The following R3HDM1 variants were observed in gnomAD, a reference collection of about 807,000 sequenced individuals.
R3HDM1 encodes the protein R3H domain-containing protein 1.
A neutral mutation model predicts 141.1 loss-of-function variants in R3HDM1; 46 were observed. That is an observed-to-expected ratio of 0.33 (90% CI 0.26 to 0.42). R3HDM1 has a LOEUF of 0.42. Ranked by LOEUF, R3HDM1 falls within the 10% of genes least tolerant of loss-of-function variation. R3HDM1 has a pLI of 1.00. For missense variants in R3HDM1, 1,184 were observed against 1,368.3 expected, an observed-to-expected ratio of 0.87 and a Z score of 2.12; for synonymous variants, 435 against 472.9, an observed-to-expected ratio of 0.92 and a Z score of 1.04.
chr2:135,685,994 A>ATTTTT (rs1282484527), intron 21 of R3HDM1, among the ~76,000 whole-genome samples: 1 of 152,200 alleles, frequency 6.6e-6, no homozygotes, highest in Non-Finnish European at 1.5e-5. Context: ...AATTCAGAAA[A>ATTTTT]AAAAAGGGTT....
rs1481742241 is a variant in R3HDM1 at position 135,713,836 on chromosome 2, CA to C, written c.2737-1713del. Among the ~76,000 whole-genome samples the C allele has an allele frequency of 5.9e-5, 9 of 152,092 alleles. No homozygotes were observed. The East Asian group carries it at 1.7e-3, about 29-fold the overall frequency. On this transcript the variant is annotated intron_variant, in intron 23 of 26. Coordinates refer to ENST00000683871, the MANE Select transcript of R3HDM1 (RefSeq NM_001378107.1). ...AAAAATAGGGACGTCTTGAAGAATA[CA>C]GGATCAGGAGTGGAGGTTTGGGGCA...
chr2:135,629,315 AAAAC>A (rs138706311), intron 7 of R3HDM1, among the ~76,000 whole-genome samples: 74 of 151,762 alleles, frequency 4.9e-4, no homozygotes, highest in Non-Finnish European at 6.9e-4. Context: ...GACTGTCTCA[AAAAC>A]AAACAAACAA....
At chr2:135,585,523 G>T (rs548581317) in intron 1 of R3HDM1, among the ~76,000 whole-genome samples, 1 of 152,132 alleles carries the variant, frequency 6.6e-6, no homozygotes, top group Admixed American at 6.5e-5. Context: ...GGAAACAGAG[G>T]CACATGCTAT....
intron 21 of R3HDM1, among the ~76,000 whole-genome samples, chr2:135,684,493 T>C (rs1006969878): frequency 6.6e-6 from 1 of 152,254 alleles, no homozygotes; most frequent in Non-Finnish European, 1.5e-5. Context: ...AACCTCTCTA[T>C]GCTTTTTAAA....
At chr2:135,576,673 AAAAAG>A (rs1225358806) in intron 1 of R3HDM1, among the ~76,000 whole-genome samples, 1 of 152,230 alleles carries the variant, frequency 6.6e-6, no homozygotes, top group African/African-American at 2.4e-5. Flanking sequence ...TTTCAGCAAT[AAAAAG>A]AAAAGCAGTG....
intron 1 of R3HDM1, among the ~76,000 whole-genome samples, chr2:135,600,172 C>T (rs948140308): frequency 1.3e-4 from 17 of 128,106 alleles, no homozygotes; most frequent in African/African-American, 4.9e-4. Context: ...GTCTTGAACT[C>T]CTGGTCTCAG....
rs745789796 is a variant in R3HDM1 at position 135,639,016 on chromosome 2, C to T, written c.1113C>T (p.Asn371=). Residue 371 remains asparagine (N), a synonymous_variant, in exon 14 of 27, where the codon AAC becomes AAT. Coordinates refer to ENST00000683871, the MANE Select transcript of R3HDM1 (RefSeq NM_001378107.1). ...SSTDSDSSLR[N]LKPAVTKASS... Reference sequence around the variant, plus strand: ...CAGATTCAGACAGCTCTCTTCGAAACCTGAAACCTGCTGTAACCAAAGCCA... The same window carrying T: ...CAGATTCAGACAGCTCTCTTCGAAATCTGAAACCTGCTGTAACCAAAGCCA... The T allele has an allele frequency of 3.5e-5, 57 of 1,614,012 alleles. No homozygotes were observed. The Middle Eastern group carries it at 4.9e-4, about 14-fold the overall frequency.
At chr2:135,654,602 C>T (rs1305472498) in intron 18 of R3HDM1, among the ~76,000 whole-genome samples, 3 of 152,112 alleles carry the variant, frequency 2.0e-5, no homozygotes, top group East Asian at 3.8e-4. Context: ...GCGTGAGCCA[C>T]CATGCCCAAC....
At chr2:135,711,823 G>T (rs1489832722) in intron 23 of R3HDM1, among the ~76,000 whole-genome samples, 1 of 152,044 alleles carries the variant, frequency 6.6e-6, no homozygotes, top group Non-Finnish European at 1.5e-5. Context: ...GCTGGACGTG[G>T]TGGCGGGCAC....
intron 1 of R3HDM1, among the ~76,000 whole-genome samples, chr2:135,544,131 G>A (rs758518152): frequency 6.6e-6 from 1 of 152,180 alleles, no homozygotes; most frequent in Admixed American, 6.5e-5. Context: ...TGTGGAAACC[G>A]CTAAAGAAAT....
chr2:135,616,058 A>G, intron 3 of R3HDM1, 94 bp from the exon 4 acceptor site: 1 of 1,231,732 alleles, frequency 8.1e-7, no homozygotes, highest in Non-Finnish European at 1.2e-6. Flanking sequence ...TACTTTATGC[A>G]CAGTTAGTTT....
At chr2:135,569,544 G>A (rs1205706578) in intron 1 of R3HDM1, among the ~76,000 whole-genome samples, 1 of 151,942 alleles carries the variant, frequency 6.6e-6, no homozygotes, top group Non-Finnish European at 1.5e-5. Context: ...TAAGCACATG[G>A]ATTATAGAGC....
chr2:135,670,486 C>A lies in R3HDM1; in HGVS notation c.2153-4846C>A, dbSNP rs971531756. 4.9e-6 allele frequency: 4 copies of A among 815,284 alleles called. No homozygotes were observed. The African/African-American group carries it at 5.6e-5, about 11-fold the overall frequency. 50.5% of individuals were successfully genotyped at this position (815,284 alleles called of 1,614,324 possible). A position where few individuals can be genotyped will look rare whatever the true frequency, so the allele number is the denominator to read the frequency against. ...TTTCTTCCCATACATTGTACAATTTCTATTGATAAGATGTGGAAGCATTAT... is the reference window on the plus strand; with the variant it reads ...TTTCTTCCCATACATTGTACAATTTATATTGATAAGATGTGGAAGCATTAT... On this transcript the variant is annotated intron_variant, in intron 19 of 26. Transcript: ENST00000683871.
intron 23 of R3HDM1, among the ~76,000 whole-genome samples, chr2:135,711,991 G>A (rs778083678): frequency 3.6e-5 from 5 of 137,988 alleles, no homozygotes; most frequent in Admixed American, 7.4e-5. Context: ...AAAAAAAAGA[G>A]TTGTCCGTTA....
chr2:135,572,988 G>A (rs76393051), intron 1 of R3HDM1, among the ~76,000 whole-genome samples: 10,369 of 152,138 alleles, frequency 0.068, 725 homozygotes, highest in African/African-American at 0.18. Flanking sequence ...TGGTTGTCTC[G>A]GGCTGGATGG....
At chr2:135,569,750 G>A (rs986194522) in intron 1 of R3HDM1, among the ~76,000 whole-genome samples, 4 of 147,940 alleles carry the variant, frequency 2.7e-5, no homozygotes, top group African/African-American at 1.0e-4. Flanking sequence ...TTTTGGAGAG[G>A]GAGTCTCGCT....
chr2:135,572,124 A>AT (rs1339378487), intron 1 of R3HDM1, among the ~76,000 whole-genome samples: 1 of 151,858 alleles, frequency 6.6e-6, no homozygotes, highest in Non-Finnish European at 1.5e-5. Flanking sequence ...CGCCCAGCTA[A>AT]TTTTTTTGGT....
chr2:135,641,430 T>G, intron 14 of R3HDM1, 106 bp from the exon 15 acceptor site: 1 of 1,268,928 alleles, frequency 7.9e-7, no homozygotes, highest in East Asian at 2.3e-5. Context: ...AATGCTTTTA[T>G]GTAGTAACTG....
At chr2:135,552,610 T>C (rs1700036772) in intron 1 of R3HDM1, among the ~76,000 whole-genome samples, 2 of 152,154 alleles carry the variant, frequency 1.3e-5, no homozygotes, top group African/African-American at 4.8e-5. Flanking sequence ...CTAGGTACTT[T>C]TTTCACAGCA....
Sources: allele counts gnomAD v4.1 joint callset (sites outside exome capture counted in the v4.1 genomes callset), GRCh38; gene constraint gnomAD v4.1.1; transcripts MANE v1.5; gene names NCBI Gene and HGNC (gene_info 2026-07-23, HGNC 2026-07-21).